ZSCAN25: variants seen among roughly 807,000 people sequenced by gnomAD.
The protein encoded by ZSCAN25 is zinc finger and SCAN domain containing 25.
A neutral mutation model predicts 38.7 loss-of-function variants in ZSCAN25; 27 were observed. That is an observed-to-expected ratio of 0.70 (90% CI 0.51 to 0.96). ZSCAN25 has a LOEUF of 0.96. Among genes scored for constraint, ZSCAN25 ranks in the 40% least tolerant of loss-of-function variants. ZSCAN25 has a pLI of 0.00. For synonymous variants in ZSCAN25, 273 were observed against 277.7 expected, an observed-to-expected ratio of 0.98 and a Z score of 0.17; for missense variants, 637 against 705.9, an observed-to-expected ratio of 0.90 and a Z score of 1.11.
chr7:99,708,505 A>T, the ZSCAN25 span, among the ~76,000 whole-genome samples: 32 of 150,408 alleles, frequency 2.1e-4, no homozygotes, highest in African/African-American at 7.8e-4. Flanking sequence ...TCTAATCTCC[A>T]TCTCTCCTTC....
chr7:99,628,898 G>C (rs1461373633), intron 7 of ZSCAN25, among the ~76,000 whole-genome samples: 1 of 152,184 alleles, frequency 6.6e-6, no homozygotes, highest in Non-Finnish European at 1.5e-5. Context: ...CAGAGTAAGA[G>C]AATAATCGTG....
chr7:99,714,348 A>T, the ZSCAN25 span, among the ~76,000 whole-genome samples: 2 of 152,290 alleles, frequency 1.3e-5, no homozygotes, highest in East Asian at 3.9e-4. Context: ...TCAAATTTTA[A>T]GTGCTCTCTC....
At chr7:99,671,108 A>C in the ZSCAN25 span, 1 of 148,158 alleles carries the variant, frequency 6.7e-6, no homozygotes, top group Non-Finnish European at 1.5e-5. Context: ...AAAACTATAC[A>C]CAGACCATTT....
intron 6 of ZSCAN25, 29 bp downstream of exon 6, chr7:99,622,669 A>C (rs772123228): frequency 1.2e-6 from 2 of 1,604,252 alleles, no homozygotes; most frequent in Admixed American, 3.4e-5. Context: ...TGCAGAAATC[A>C]TGACCGTTGC....
At chr7:99,706,504 C>T in the ZSCAN25 span, among the ~76,000 whole-genome samples, 1 of 152,172 alleles carries the variant, frequency 6.6e-6, no homozygotes, top group Non-Finnish European at 1.5e-5. Flanking sequence ...TGTAGAAAGC[C>T]TGCTTAAGGT....
At chr7:99,700,541 CTT>C in the ZSCAN25 span, among the ~76,000 whole-genome samples, 2 of 152,276 alleles carry the variant, frequency 1.3e-5, no homozygotes, top group African/African-American at 4.8e-5. Flanking sequence ...CTGTTAAAGT[CTT>C]TCCTTACCAA....
downstream of ZSCAN25, among the ~76,000 whole-genome samples, chr7:99,633,631 T>C (rs11982018): frequency 0.032 from 4,834 of 152,202 alleles, 239 homozygotes; most frequent in African/African-American, 0.11. Context: ...AGTGGTGCAA[T>C]TGTAGTTCAC....
chr7:99,654,409 A>T, the ZSCAN25 span, among the ~76,000 whole-genome samples: 2 of 152,038 alleles, frequency 1.3e-5, no homozygotes, highest in Non-Finnish European at 2.9e-5. Context: ...AAGGACATGA[A>T]CTCATCATTT....
At chr7:99,671,700 A>C in the ZSCAN25 span, 1 of 638,328 alleles carries the variant, frequency 1.6e-6, no homozygotes, top group East Asian at 2.7e-5. Context: ...ACACCAAAAG[A>C]ACAATCCATA....
chr7:99,654,252 C>A, the ZSCAN25 span, among the ~76,000 whole-genome samples: 1 of 152,200 alleles, frequency 6.6e-6, no homozygotes, highest in East Asian at 1.9e-4. Context: ...CCAAAACAGG[C>A]CCCAGTGTGT....
the ZSCAN25 span, among the ~76,000 whole-genome samples, chr7:99,684,341 T>A: frequency 5.9e-5 from 9 of 152,050 alleles, no homozygotes; most frequent in Admixed American, 1.3e-4. Flanking sequence ...CTAATTTTTG[T>A]ATTTTTAGTA....
chr7:99,640,999 C>T, the ZSCAN25 span, among the ~76,000 whole-genome samples: 4 of 152,116 alleles, frequency 2.6e-5, no homozygotes, highest in Non-Finnish European at 5.9e-5. Flanking sequence ...GGTAGCAAAC[C>T]CAAGAGCTTC....
the ZSCAN25 span, among the ~76,000 whole-genome samples, chr7:99,686,160 A>G: frequency 6.6e-6 from 1 of 152,324 alleles, no homozygotes; most frequent in East Asian, 1.9e-4. Flanking sequence ...CAGTGGGTGC[A>G]GGACAGTGGG....
At chr7:99,715,588 G>T in the ZSCAN25 span, 2 of 1,195,020 alleles carry the variant, frequency 1.7e-6, no homozygotes, top group African/African-American at 1.5e-5. Context: ...TTTCTAGAAT[G>T]ACAGAAGTGT....
chr7:99,646,835 C>T, the ZSCAN25 span, among the ~76,000 whole-genome samples: 4 of 149,780 alleles, frequency 2.7e-5, no homozygotes, highest in South Asian at 2.1e-4. Context: ...CACACACACA[C>T]ACATGCATGC....
the ZSCAN25 span, among the ~76,000 whole-genome samples, chr7:99,681,966 G>GT: frequency 3.3e-5 from 5 of 151,970 alleles, no homozygotes; most frequent in East Asian, 1.9e-4. Flanking sequence ...TTTGTTTTTT[G>GT]TTTTTTTGTT....
the ZSCAN25 span, chr7:99,638,357 C>A: frequency 6.2e-7 from 1 of 1,602,954 alleles, no homozygotes; most frequent in Non-Finnish European, 8.5e-7. Context: ...GGCCCAGTTT[C>A]TCCTGGATCT....
chr7:99,662,757 A>G, the ZSCAN25 span: 2 of 1,498,310 alleles, frequency 1.3e-6, no homozygotes, highest in South Asian at 1.1e-5. This position sits in a 1 kb window ranked among gnomAD's most constrained non-coding sequence, Gnocchi z 4.3. Context: ...ACATTTTCAG[A>G]ACAAGGCCCT....
the ZSCAN25 span, among the ~76,000 whole-genome samples, chr7:99,656,851 T>A: frequency 6.6e-6 from 1 of 152,216 alleles, no homozygotes; most frequent in East Asian, 1.9e-4. Flanking sequence ...TCTTCTAGAT[T>A]TTCTAGTTTA....
Sources: gnomAD v4.1 joint callset for allele counts (sites outside exome capture counted in the v4.1 genomes callset) on GRCh38, gnomAD v4.1.1 for gene constraint, Gnocchi (gnomAD v3.1) non-coding constraint, MANE v1.5 for transcripts, NCBI Gene and HGNC (gene_info 2026-07-23, HGNC 2026-07-21) for gene names.